GPR137C: variants seen among roughly 807,000 people sequenced by gnomAD.
GPR137C encodes integral membrane protein GPR137C.
GPR137C carries 27 observed loss-of-function variants against 43.4 expected under a neutral mutation model. The observed-to-expected ratio is 0.62, with a 90% CI of 0.46 to 0.86. The LOEUF is 0.86. GPR137C is among the 40% of genes least tolerant of loss of function. GPR137C has a pLI of 0.00. For missense variants in GPR137C, 522 were observed against 534.6 expected, an observed-to-expected ratio of 0.98 and a Z score of 0.23; for synonymous variants, 285 against 226.9, an observed-to-expected ratio of 1.26 and a Z score of -2.30.
At chr14:52,632,064 A>G in intron 3 of GPR137C, 96 bp from the exon 4 acceptor site, 1 of 725,042 alleles carries the variant, frequency 1.4e-6, no homozygotes, top group Non-Finnish European at 2.4e-6. Context: ...GCTTTGTAGG[A>G]GTGCATTGCA....
chr14:52,580,883 T>C (rs1191779546), intron 1 of GPR137C, among the ~76,000 whole-genome samples: 1 of 148,068 alleles, frequency 6.8e-6, no homozygotes, highest in Non-Finnish European at 1.5e-5. Flanking sequence ...AGATAAAATA[T>C]ATACATATAT....
intron 3 of GPR137C, chr14:52,611,734 G>T (rs1483465336): frequency 8.2e-6 from 3 of 365,626 alleles, no homozygotes; most frequent in Non-Finnish European, 1.1e-5. Context: ...TATATTGCTG[G>T]ATTTAAATCA....
At chr14:52,610,916 C>T (rs1405036174) in intron 3 of GPR137C, among the ~76,000 whole-genome samples, 4 of 152,154 alleles carry the variant, frequency 2.6e-5, no homozygotes, top group African/African-American at 7.2e-5. Flanking sequence ...TTACATCACC[C>T]TGTGTTTACT....
intron 1 of GPR137C, among the ~76,000 whole-genome samples, chr14:52,580,253 TG>T (rs2038622715): frequency 6.6e-6 from 1 of 152,214 alleles, no homozygotes; most frequent in South Asian, 2.1e-4. Context: ...GATATTTATT[TG>T]AATCATCAAA....
intron 3 of GPR137C, among the ~76,000 whole-genome samples, chr14:52,607,719 A>G (rs1191493087): frequency 1.3e-5 from 2 of 152,172 alleles, no homozygotes; most frequent in Non-Finnish European, 2.9e-5. Flanking sequence ...TAGTAAAAAT[A>G]CAAAAATTAG....
intron 3 of GPR137C, among the ~76,000 whole-genome samples, chr14:52,618,955 A>G (rs1403291290): frequency 2.6e-5 from 4 of 152,220 alleles, no homozygotes; most frequent in African/African-American, 9.6e-5. Context: ...GGATAAGGGT[A>G]TAAAAGGAAT....
In GPR137C at chr14:52,553,204, G is replaced by A. The variant is rs548146408; in HGVS notation, c.57G>A (p.Glu19=). ...AAAAAPAAGR[E]PSTPGGGSGG... is the part of the protein sequence containing the mutation. ...CTGCCGCCCCCGCAGCCGGCCGCGAGCCCTCCACGCCCGGCGGGGGCAGCG... is the reference window on the plus strand; with the variant it reads ...CTGCCGCCCCCGCAGCCGGCCGCGAACCCTCCACGCCCGGCGGGGGCAGCG... The change falls in exon 1 of 7, where the codon GAG becomes GAA. Residue 19 remains glutamate (E), a synonymous_variant. Transcript: ENST00000321662. 1.2e-4 allele frequency: 141 copies of A among 1,220,898 alleles called. No homozygotes were observed. Among genetic ancestry groups the A allele is most frequent in the Non-Finnish European group, 1.4e-4 (139 of 981,676 alleles). 75.6% of individuals were successfully genotyped at this position (1,220,898 alleles called of 1,614,324 possible).
rs1286818576 is a variant in GPR137C, at chr14:52,601,489, TG to T, written c.717+1149del. Among the ~76,000 whole-genome samples, 40 of 150,848 alleles carry T rather than the reference TG, an allele frequency of 2.7e-4. No homozygotes were observed. In the Middle Eastern group the frequency reaches 0.017, roughly 64 times the overall value. On this transcript the variant is annotated intron_variant, in intron 3 of 6. Transcript: ENST00000321662. ...CTGGGGGAGATATTATGTGTGTGTG[TG>T]TGTGTGTGTATATATATATAGAGAG...
intron 3 of GPR137C, among the ~76,000 whole-genome samples, chr14:52,628,637 A>C (rs188362272): frequency 2.0e-5 from 3 of 152,244 alleles, no homozygotes; most frequent in Admixed American, 6.5e-5. Context: ...CTCTACTAAA[A>C]ATACAAAAAT....
intron 1 of GPR137C, among the ~76,000 whole-genome samples, chr14:52,555,178 T>G (rs774496405): frequency 6.6e-6 from 1 of 152,222 alleles, no homozygotes; most frequent in Non-Finnish European, 1.5e-5. Context: ...CTAGCGATTT[T>G]TATGCCAGGG....
intron 1 of GPR137C, among the ~76,000 whole-genome samples, chr14:52,558,453 C>G (rs915452389): frequency 7.9e-5 from 12 of 152,196 alleles, no homozygotes; most frequent in Non-Finnish European, 1.8e-4. Flanking sequence ...CCTAAATTCA[C>G]ATCAGTTCTG....
chr14:52,621,128 G>A (rs534870018), intron 3 of GPR137C, among the ~76,000 whole-genome samples: 1 of 151,740 alleles, frequency 6.6e-6, no homozygotes, highest in East Asian at 1.9e-4. Flanking sequence ...TTAAAGTGCT[G>A]CAAACTAAAA....
chr14:52,601,846 T>G (rs981179849), intron 3 of GPR137C, among the ~76,000 whole-genome samples: 4 of 151,970 alleles, frequency 2.6e-5, no homozygotes, highest in African/African-American at 9.7e-5. Context: ...GGTTTTTTAC[T>G]CGCTTTGAAA....
At chr14:52,617,569 C>T (rs2039113169) in intron 3 of GPR137C, among the ~76,000 whole-genome samples, 1 of 152,136 alleles carries the variant, frequency 6.6e-6, no homozygotes. Context: ...ATACCAGCTA[C>T]TTGGGAGGCT....
intron 1 of GPR137C, among the ~76,000 whole-genome samples, chr14:52,565,355 A>T (rs940281928): frequency 6.6e-6 from 1 of 152,158 alleles, no homozygotes. Context: ...TCCATATACC[A>T]AGCTTTAATT....
intron 3 of GPR137C, among the ~76,000 whole-genome samples, chr14:52,601,041 A>G (rs2038917982): frequency 6.6e-6 from 1 of 152,206 alleles, no homozygotes; most frequent in Admixed American, 6.5e-5. Flanking sequence ...TTGGATCAAC[A>G]AACAGAAGCC....
At chr14:52,585,927 G>A (rs1057430485) in intron 1 of GPR137C, among the ~76,000 whole-genome samples, 3 of 152,216 alleles carry the variant, frequency 2.0e-5, no homozygotes, top group African/African-American at 7.2e-5. Context: ...CAAAAGCAAT[G>A]TCTTTTTGCT....
intron 1 of GPR137C, among the ~76,000 whole-genome samples, chr14:52,557,567 C>G (rs948225493): frequency 6.6e-6 from 1 of 152,170 alleles, no homozygotes; most frequent in South Asian, 2.1e-4. Flanking sequence ...CTGTTTTTGT[C>G]TGAATCTACT....
chr14:52,625,019 A>T (rs1471735671), intron 3 of GPR137C, among the ~76,000 whole-genome samples: 2 of 152,216 alleles, frequency 1.3e-5, no homozygotes, highest in Non-Finnish European at 2.9e-5. Flanking sequence ...TTGATAGAAG[A>T]TGAAATTGTA....
Sources: gnomAD v4.1 joint callset for allele counts (sites outside exome capture counted in the v4.1 genomes callset) on GRCh38, gnomAD v4.1.1 for gene constraint, MANE v1.5 for transcripts, NCBI Gene and HGNC (gene_info 2026-07-23, HGNC 2026-07-21) for gene names.